Variants in KCNG3 observed in about 807,000 individuals in gnomAD.
The protein encoded by KCNG3 is potassium voltage-gated channel modifier subfamily G member 3.
In KCNG3, 15 loss-of-function variants were observed where a neutral mutation model predicts 29.0. That is an observed-to-expected ratio of 0.52 (90% confidence interval 0.35 to 0.80). KCNG3 has a LOEUF of 0.80. Among genes scored for constraint, KCNG3 ranks in the 30% least tolerant of loss-of-function variants. The pLI is 0.01. For missense variants in KCNG3, 512 were observed against 605.7 expected (o/e 0.85, Z 1.62); for synonymous variants, 322 against 248.9 (o/e 1.29, Z -2.76).
the KCNG3 span, among the ~76,000 whole-genome samples, chr2:42,423,179 CA>C: frequency 6.6e-6 from 1 of 152,168 alleles, no homozygotes; most frequent in Non-Finnish European, 1.5e-5. Context: ...TCTTTCCCAC[CA>C]AAAGCTGCTC....
At chr2:42,395,354 T>C in the KCNG3 span, among the ~76,000 whole-genome samples, 1 of 151,778 alleles carries the variant, frequency 6.6e-6, no homozygotes, top group South Asian at 2.1e-4. Flanking sequence ...CAGGATTGGG[T>C]AGTAGCAGTG....
the KCNG3 span, among the ~76,000 whole-genome samples, chr2:42,394,317 G>A: frequency 6.6e-5 from 10 of 152,264 alleles, no homozygotes; most frequent in South Asian, 1.2e-3. Context: ...CCGACACCAC[G>A]GCACAGCAAA....
At chr2:42,434,939 T>A in the KCNG3 span, among the ~76,000 whole-genome samples, 1 of 152,108 alleles carries the variant, frequency 6.6e-6, no homozygotes, top group East Asian at 1.9e-4. Flanking sequence ...TCCTACTTCA[T>A]AACAGATGCA....
the KCNG3 span, among the ~76,000 whole-genome samples, chr2:42,416,764 G>C: frequency 6.6e-6 from 1 of 150,818 alleles, no homozygotes; most frequent in Non-Finnish European, 1.5e-5. Flanking sequence ...GTTGCAGCGA[G>C]CCGAGATTGC....
the KCNG3 span, among the ~76,000 whole-genome samples, chr2:42,401,022 T>C: frequency 1.3e-5 from 2 of 149,638 alleles, no homozygotes; most frequent in African/African-American, 2.5e-5. Context: ...AATGTATTGT[T>C]TTCTCATTTT....
chr2:42,395,716 G>A, the KCNG3 span, among the ~76,000 whole-genome samples: 2 of 152,176 alleles, frequency 1.3e-5, no homozygotes, highest in Admixed American at 6.5e-5. Flanking sequence ...ATACTTGGGA[G>A]ACTGAGGTTG....
chr2:42,477,422 C>CACACACACACACACACAT (rs11280811), intron 1 of KCNG3, among the ~76,000 whole-genome samples: 1 of 40,788 alleles, frequency 2.5e-5, no homozygotes, highest in African/African-American at 6.6e-5. Context: ...CACACACACA[C>CACACACACACACACACAT]ATATATTTTT....
chr2:42,473,915 G>C (rs1673356686), intron 1 of KCNG3, among the ~76,000 whole-genome samples: 1 of 152,048 alleles, frequency 6.6e-6, no homozygotes, highest in African/African-American at 2.4e-5. Flanking sequence ...ACTTTGGGAA[G>C]CAGAGGCAGC....
At chr2:42,398,951 G>A in the KCNG3 span, among the ~76,000 whole-genome samples, 12 of 151,908 alleles carry the variant, frequency 7.9e-5, no homozygotes, top group African/African-American at 2.7e-4. Flanking sequence ...TCTTTTCAAT[G>A]TTCATTGCCT....
intron 1 of KCNG3, among the ~76,000 whole-genome samples, chr2:42,485,201 C>T (rs772397502): frequency 3.9e-5 from 6 of 151,970 alleles, no homozygotes; most frequent in Non-Finnish European, 7.4e-5. Context: ...CAACACAAAG[C>T]AATACCAATT....
the KCNG3 span, among the ~76,000 whole-genome samples, chr2:42,389,213 G>A: frequency 6.6e-5 from 10 of 152,068 alleles, no homozygotes; most frequent in African/African-American, 1.9e-4. Flanking sequence ...CCACCTTGCC[G>A]GCCCCATGTA....
In KCNG3 at chr2:42,477,172, A is replaced by G. The variant is rs865950351; in HGVS notation, c.665+15665T>C. Among the ~76,000 whole-genome samples the G allele has an allele frequency of 2.7e-5, 4 of 147,764 alleles. No homozygotes were observed. The South Asian group carries it at 8.8e-4, about 32-fold the overall frequency. ...ACGCCACTGCACTCCAGCCTGAGCGACAGAGCAAGACTCTGTTTCAAAAAA... is the reference window on the plus strand; with the variant it reads ...ACGCCACTGCACTCCAGCCTGAGCGGCAGAGCAAGACTCTGTTTCAAAAAA... On this transcript the variant is annotated intron_variant, in intron 1 of 1. Transcript: ENST00000306078.
At chr2:42,407,921 G>A in the KCNG3 span, among the ~76,000 whole-genome samples, 4 of 152,222 alleles carry the variant, frequency 2.6e-5, no homozygotes, top group African/African-American at 4.8e-5. Flanking sequence ...CACTCTTGGG[G>A]GCCCAGAAAG....
chr2:42,482,010 G>C (rs183724721), intron 1 of KCNG3, among the ~76,000 whole-genome samples: 39 of 152,126 alleles, frequency 2.6e-4, no homozygotes, highest in Non-Finnish European at 4.1e-4. Context: ...TTTCTTTTGA[G>C]ATGGGATCTC....
chr2:42,473,896 A>C (rs1486607671), intron 1 of KCNG3, among the ~76,000 whole-genome samples: 1 of 152,134 alleles, frequency 6.6e-6, no homozygotes, highest in Non-Finnish European at 1.5e-5. Flanking sequence ...TCACGCCTGT[A>C]ATCCCACCAC....
the KCNG3 span, among the ~76,000 whole-genome samples, chr2:42,411,522 AC>A: frequency 6.6e-6 from 1 of 152,030 alleles, no homozygotes; most frequent in East Asian, 1.9e-4. Context: ...TTACTCTGTC[AC>A]CCAGGCTGGA....
the KCNG3 span, among the ~76,000 whole-genome samples, chr2:42,418,840 C>T: frequency 7.9e-5 from 12 of 152,168 alleles, no homozygotes; most frequent in African/African-American, 2.7e-4. Flanking sequence ...AATCACACCA[C>T]AGGAAGCTGT....
the KCNG3 span, among the ~76,000 whole-genome samples, chr2:42,409,007 G>A: frequency 4.6e-5 from 7 of 152,138 alleles, no homozygotes; most frequent in African/African-American, 1.7e-4. Context: ...CTCACAGAGA[G>A]CCAGTGCCTG....
chr2:42,452,770 G>GGGGT lies in KCNG3; in HGVS notation c.666-8192_666-8191insACCC, dbSNP rs113044170. Among the ~76,000 whole-genome samples, 62 of 150,214 alleles carry GGGGT rather than the reference G, an allele frequency of 4.1e-4. 1 individual carries two copies. Among genetic ancestry groups the GGGGT allele is most frequent in the Admixed American group, 1.4e-3 (21 of 15,032 alleles). ...CACATTTCCTTTATACATTCAACTG[G>GGGGT]GTGTGTGTGTGTGTGTGTGTGTGTG... On this transcript the variant is annotated intron_variant, in intron 1 of 1. Coordinates refer to ENST00000306078, the MANE Select transcript of KCNG3 (RefSeq NM_133329.6).
Sources: allele counts gnomAD v4.1 joint callset (sites outside exome capture counted in the v4.1 genomes callset), GRCh38; gene constraint gnomAD v4.1.1; transcripts MANE v1.5; gene names NCBI Gene and HGNC (gene_info 2026-07-23, HGNC 2026-07-21).